The following IRAK2 variants were observed in gnomAD, a reference collection of about 807,000 sequenced individuals.
The protein encoded by IRAK2 is interleukin 1 receptor associated kinase 2.
A neutral mutation model predicts 72.0 loss-of-function variants in IRAK2; 57 were observed. The ratio of observed to expected loss-of-function variants is 0.79; its 90% CI spans 0.64 to 0.99. IRAK2 has a LOEUF of 0.99. Ranked by LOEUF, IRAK2 falls within the 50% of genes least tolerant of loss-of-function variation. IRAK2 has a pLI of 0.00. For missense variants in IRAK2, 790 were observed against 794.4 expected (o/e 0.99, Z 0.07); for synonymous variants, 293 against 312.7 (o/e 0.94, Z 0.67).
rs993082421 is a variant in IRAK2, at chr3:10,242,944, A to G, written c.*716A>G. On this transcript the variant is annotated 3_prime_UTR_variant, in exon 13 of 13. Coordinates refer to ENST00000256458, the MANE Select transcript of IRAK2 (RefSeq NM_001570.4). ...TATTGGAAATCTTGCAATTCACATA[A>G]TTATTCAGTCACTGCCTGGTACCTT... 8 of 152,200 alleles carry G rather than the reference A, an allele frequency of 5.3e-5. No homozygotes were observed. Among genetic ancestry groups the G allele is most frequent in the Admixed American group, 4.6e-4 (7 of 15,272 alleles). The allele number at this position is 152,200 out of a possible 1,614,324, so 9.4% of individuals were successfully genotyped here. A position where few individuals can be genotyped will look rare whatever the true frequency, so the allele number is the denominator to read the frequency against.
intron 11 of IRAK2, among the ~76,000 whole-genome samples, chr3:10,237,817 A>AG (rs1180718014): frequency 2.6e-5 from 4 of 151,382 alleles, no homozygotes; most frequent in African/African-American, 9.7e-5. Context: ...AAAAAAAAAA[A>AG]AAAAAAAAGA....
intron 10 of IRAK2, among the ~76,000 whole-genome samples, chr3:10,228,511 G>A (rs1697814234): frequency 6.6e-6 from 1 of 152,172 alleles, no homozygotes; most frequent in Non-Finnish European, 1.5e-5. Context: ...GGGCTCCCCG[G>A]ACAAGTGTCA....
At chr3:10,186,920 C>T (rs1697083802) in intron 2 of IRAK2, among the ~76,000 whole-genome samples, 1 of 150,518 alleles carries the variant, frequency 6.6e-6, no homozygotes, top group Non-Finnish European at 1.5e-5. Context: ...TTGCTTCAGC[C>T]TCCCAAGTAG....
chr3:10,238,194 A>G (rs1697996245), intron 11 of IRAK2, among the ~76,000 whole-genome samples: 1 of 152,156 alleles, frequency 6.6e-6, no homozygotes, highest in Non-Finnish European at 1.5e-5. Flanking sequence ...TCATTTAACC[A>G]AACAACAGAG....
At chr3:10,180,892 C>T (rs1177767012) in intron 2 of IRAK2, among the ~76,000 whole-genome samples, 2 of 151,998 alleles carry the variant, frequency 1.3e-5, no homozygotes, top group Non-Finnish European at 2.9e-5. Context: ...GCAGCGAGAA[C>T]ATCTCCTCCC....
In IRAK2 at chr3:10,238,869, T is replaced by C. The variant is rs1354661720; in HGVS notation, c.1595T>C (p.Val532Ala). Reference sequence around the variant, plus strand: ...AACACCCCAGAGGAAACAGACGACGTTGACAATTCCAGCCTTGATGCCTCC... The same window carrying C: ...AACACCCCAGAGGAAACAGACGACGCTGACAATTCCAGCCTTGATGCCTCC... ...SSNTPEETDD[V>A]DNSSLDASSS... The change falls in exon 12 of 13, where the codon GTT becomes GCT. Residue 532 changes from valine (V) to alanine (A), a missense_variant. Transcript: ENST00000256458. The C allele has an allele frequency of 6.2e-7, 1 of 1,614,134 alleles. No homozygotes were observed. Among genetic ancestry groups the C allele is most frequent in the South Asian group, 1.1e-5 (1 of 91,084 alleles).
At chr3:10,206,784 G>T (rs1295859040) in intron 3 of IRAK2, among the ~76,000 whole-genome samples, 1 of 151,932 alleles carries the variant, frequency 6.6e-6, no homozygotes, top group African/African-American at 2.4e-5. Context: ...TCGAACTCCT[G>T]ACCTCAGGTG....
chr3:10,172,411 G>A (rs559177157), intron 1 of IRAK2, among the ~76,000 whole-genome samples: 1 of 151,722 alleles, frequency 6.6e-6, no homozygotes, highest in South Asian at 2.1e-4. Flanking sequence ...GATGGCACTC[G>A]CCTGTAATCC....
rs760057490 is a variant in IRAK2 at position 10,234,481 on chromosome 3, T to C, written c.1295T>C (p.Ile432Thr). 2.5e-6 allele frequency: 4 copies of C among 1,614,010 alleles called. No individual in the cohort carries two copies. Among genetic ancestry groups the C allele is most frequent in the Non-Finnish European group, 3.4e-6 (4 of 1,180,018 alleles). ...VYLKDLLLSDIPSSTASLCSR... is the reference protein window; with the variant it reads ...VYLKDLLLSDTPSSTASLCSR... ...CAGAAGGACTTACTCCTCAGTGATA[T>C]TCCAAGCAGCACCGCCTCGCTCTGC... is the stretch of plus-strand genomic sequence containing the variant. The change falls in exon 11 of 13, where the codon ATT becomes ACT. Residue 432 changes from isoleucine to threonine, a missense_variant. Transcript: ENST00000256458.
chr3:10,183,589 C>T (rs1330616943), intron 2 of IRAK2, among the ~76,000 whole-genome samples: 3 of 152,086 alleles, frequency 2.0e-5, no homozygotes, highest in Non-Finnish European at 4.4e-5. Context: ...GGCGTGGTTG[C>T]GGGTGCCTGT....
chr3:10,195,891 T>C (rs1463982895), intron 2 of IRAK2, among the ~76,000 whole-genome samples: 2 of 151,540 alleles, frequency 1.3e-5, no homozygotes, highest in African/African-American at 4.9e-5. Flanking sequence ...CTTGAGGCAG[T>C]TTGAGGAGGG....
At position 10,236,340 on chromosome 3, in the gene IRAK2, AG is replaced by A. The variant is rs200741778; in HGVS notation, c.1473+1683del. Among the ~76,000 whole-genome samples, 592 of 127,782 alleles carry A rather than the reference AG, an allele frequency of 4.6e-3. 33 individuals are homozygous for A. The highest frequency in any genetic ancestry group is 0.014 in the East Asian group (49 of 3,420). The allele number at this position is 127,782 out of a possible 152,430, so 83.8% of individuals were successfully genotyped here. ...AGTAAGGATTTTTGCAGAGCCACTA[AG>A]GTTTTTTTTTTTTTTTTTTTTTTTT... On this transcript the variant is annotated intron_variant, in intron 11 of 12. Coordinates refer to ENST00000256458, the MANE Select transcript of IRAK2 (RefSeq NM_001570.4).
At chr3:10,204,479 G>A (rs1384945960) in intron 3 of IRAK2, among the ~76,000 whole-genome samples, 3 of 152,130 alleles carry the variant, frequency 2.0e-5, no homozygotes, top group African/African-American at 7.2e-5. Context: ...GAGAAAGCAG[G>A]CATATTAGCC....
At chr3:10,205,739 G>A (rs1697424695) in intron 3 of IRAK2, among the ~76,000 whole-genome samples, 1 of 152,218 alleles carries the variant, frequency 6.6e-6, no homozygotes, top group East Asian at 1.9e-4. Context: ...GGACTTCATG[G>A]ATATTACTGT....
intron 2 of IRAK2, among the ~76,000 whole-genome samples, chr3:10,178,354 G>A (rs1360075561): frequency 6.6e-6 from 1 of 152,096 alleles, no homozygotes; most frequent in East Asian, 1.9e-4. Flanking sequence ...CTACTCAGGA[G>A]GCTGAGGCAG....
chr3:10,201,286 T>A (rs929954751), intron 3 of IRAK2, among the ~76,000 whole-genome samples: 1 of 152,228 alleles, frequency 6.6e-6, no homozygotes, highest in African/African-American at 2.4e-5. Flanking sequence ...TACTGCCGGG[T>A]CCCTGTTTTC....
At chr3:10,220,043 G>T (rs143443259) in intron 8 of IRAK2, among the ~76,000 whole-genome samples, 9 of 152,332 alleles carry the variant, frequency 5.9e-5, no homozygotes, top group African/African-American at 2.2e-4. Context: ...TTTCTGAGCT[G>T]CTGTTTTCCC....
chr3:10,199,784 CTTG>C (rs1697326328), intron 2 of IRAK2, among the ~76,000 whole-genome samples: 1 of 151,686 alleles, frequency 6.6e-6, no homozygotes, highest in Admixed American at 6.6e-5. Flanking sequence ...AGGAAGGTGA[CTTG>C]TTGGAGGTCA....
At chr3:10,208,445 C>A (rs991326150) in intron 3 of IRAK2, among the ~76,000 whole-genome samples, 1 of 141,016 alleles carries the variant, frequency 7.1e-6, no homozygotes, top group Non-Finnish European at 1.5e-5. Flanking sequence ...CAGGTGTACA[C>A]CACCATACCT....
Sources: gnomAD v4.1 joint callset for allele counts (sites outside exome capture counted in the v4.1 genomes callset) on GRCh38, gnomAD v4.1.1 for gene constraint, MANE v1.5 for transcripts, NCBI Gene and HGNC (gene_info 2026-07-23, HGNC 2026-07-21) for gene names.